ATAD2: variants seen among roughly 807,000 people sequenced by gnomAD.
ATAD2 encodes the protein ATPase family AAA domain-containing protein 2.
Under a neutral mutation model 168.9 loss-of-function variants are expected in ATAD2, and 62 were observed. The ratio of observed to expected loss-of-function variants is 0.37; its 90% confidence interval spans 0.30 to 0.45. The LOEUF is 0.45. Among genes scored for constraint, ATAD2 ranks in the 20% least tolerant of loss-of-function variants. The pLI, the probability that ATAD2 is intolerant of heterozygous loss-of-function variation, is 1.00. For missense variants in ATAD2, 1,419 were observed against 1,667.8 expected (o/e 0.85, Z 2.60); for synonymous variants, 613 against 571.6 (o/e 1.07, Z -1.03).
chr8:123,367,130 C>T (rs1337932230), intron 8 of ATAD2, among the ~76,000 whole-genome samples: 3 of 152,128 alleles, frequency 2.0e-5, no homozygotes, highest in Non-Finnish European at 4.4e-5. Context: ...TAACCAATAA[C>T]TCGGCCGGGT....
Position 123,328,447 on chromosome 8 carries a change from T to G in ATAD2, c.3611A>C (p.Glu1204Ala), listed in dbSNP as rs1161450993. ...IDHKIESDTE[E>A]TQDTSVDHNE... ...ATGATCTACACTTGTGTCTTGAGTT[T>G]CCTCTGTATCACTCTCAATTTTGTG... The change falls in exon 25 of 28, where the codon GAA becomes GCA. Residue 1204 changes from glutamate (E) to alanine (A), a missense_variant. This residue lies in a region of ATAD2 where 303 missense variants were observed against 304.3 expected (regional missense o/e 1.00). Transcript: ENST00000287394. 1.9e-6 allele frequency: 3 copies of G among 1,610,708 alleles called. No individual in the cohort carries two copies. The highest frequency in any genetic ancestry group is 2.5e-6 in the Non-Finnish European group (3 of 1,178,724).
chr8:123,380,544 C>A lies in ATAD2; in HGVS notation c.305G>T (p.Gly102Val). 2 of 1,613,934 alleles carry A rather than the reference C, an allele frequency of 1.2e-6. No individual in the cohort carries two copies. The highest frequency in any genetic ancestry group is 1.3e-5 in the African/African-American group (1 of 75,026). The change falls in exon 2 of 28, where the codon GGC becomes GTC. Residue 102 changes from glycine (G) to valine (V), a missense_variant. Transcript: ENST00000287394. ...NVEITEQLAN[G>V]RHFTRQLARQ... ...CTTGTATTACCTTGTAAAATGCCTG[C>A]CATTAGCAAGTTGCTCCGTTATTTC...
intron 10 of ATAD2, 111 bp from the exon 11 acceptor site, chr8:123,359,447 A>T: frequency 3.3e-6 from 4 of 1,225,860 alleles, no homozygotes; most frequent in Non-Finnish European, 4.7e-6. Context: ...TGACCTGAAG[A>T]TTAACAGAAA....
intron 2 of ATAD2, among the ~76,000 whole-genome samples, chr8:123,379,552 G>A (rs1292273455): frequency 3.0e-5 from 4 of 134,872 alleles, no homozygotes; most frequent in African/African-American, 1.1e-4. Context: ...GCATGAATGT[G>A]TACATACTAA....
chr8:123,383,578 C>T (rs888655036), intron 1 of ATAD2, among the ~76,000 whole-genome samples: 2 of 151,338 alleles, frequency 1.3e-5, no homozygotes, highest in African/African-American at 2.4e-5. Flanking sequence ...TCGAGACCAG[C>T]CTGACCAACA....
intron 26 of ATAD2, among the ~76,000 whole-genome samples, chr8:123,325,630 A>C (rs1224579046): frequency 6.6e-6 from 1 of 151,994 alleles, no homozygotes; most frequent in Non-Finnish European, 1.5e-5. Flanking sequence ...ACTGTTGGCC[A>C]GGCTGGTCTC....
chr8:123,376,397 ACT>A (rs772442569), intron 2 of ATAD2, among the ~76,000 whole-genome samples: 1 of 150,706 alleles, frequency 6.6e-6, no homozygotes, highest in Non-Finnish European at 1.5e-5. Flanking sequence ...CAAGAGCAAA[ACT>A]CTGTCTAAAA....
intron 8 of ATAD2, among the ~76,000 whole-genome samples, chr8:123,362,463 T>G (rs1177553763): frequency 1.3e-5 from 2 of 151,562 alleles, no homozygotes; most frequent in East Asian, 3.9e-4. Flanking sequence ...CAGGTTGGAG[T>G]GCAGTGGGAT....
intron 8 of ATAD2, among the ~76,000 whole-genome samples, chr8:123,362,217 TG>T (rs138898014): frequency 0.037 from 5,551 of 151,026 alleles, 346 homozygotes; most frequent in African/African-American, 0.13. Context: ...TGCTTGAGCC[TG>T]GGAGGACGAG....
At chr8:123,374,595 G>A (rs1411257327) in intron 2 of ATAD2, among the ~76,000 whole-genome samples, 1 of 152,142 alleles carries the variant, frequency 6.6e-6, no homozygotes, top group Non-Finnish European at 1.5e-5. Flanking sequence ...CCTTCCAAGG[G>A]TTGGTAAACT....
chr8:123,348,938 A>C (rs1421464430), intron 14 of ATAD2, among the ~76,000 whole-genome samples: 2 of 152,168 alleles, frequency 1.3e-5, no homozygotes, highest in African/African-American at 4.8e-5. Flanking sequence ...CCAGAAGATT[A>C]AGTAGACTTA....
intron 21 of ATAD2, among the ~76,000 whole-genome samples, chr8:123,337,337 C>G (rs566342073): frequency 8.6e-5 from 13 of 151,394 alleles, no homozygotes; most frequent in Non-Finnish European, 1.6e-4. Context: ...CATTCCAGCC[C>G]GGGCAACAGG....
Position 123,370,014 on chromosome 8 carries a change from T to C in ATAD2, c.738A>G (p.Glu246=). 3 of 1,602,614 alleles carry C rather than the reference T, an allele frequency of 1.9e-6. No individual in the cohort carries two copies. Among genetic ancestry groups the C allele is most frequent in the Non-Finnish European group, 2.6e-6 (3 of 1,173,214 alleles). The change falls in exon 7 of 28, where the codon GAA becomes GAG. Residue 246 remains glutamate, a synonymous_variant. Transcript: ENST00000287394. ...DNQEGSVESS[E]EGEDQEHEDD... ...CTTCATGTTCTTGGTCTTCACCCTC[T>C]TCAGATGACTCTACAATTAAGAGAT...
Position 123,390,473 on chromosome 8 carries a change from T to C in ATAD2, c.171+5714A>G, listed in dbSNP as rs148166271. On this transcript the variant is annotated intron_variant, in intron 1 of 27. Coordinates refer to ENST00000287394, the MANE Select transcript of ATAD2 (RefSeq NM_014109.4). ...AATACAGAACTGCCATGTCACCCAA[T>C]TCCAGGGAACACCATTCACTGCCAC... Among the ~76,000 whole-genome samples, 948 of 152,308 alleles carry C rather than the reference T, an allele frequency of 6.2e-3. 8 individuals carry two copies. Among genetic ancestry groups the C allele is most frequent in the African/African-American group, 0.021 (873 of 41,558 alleles).
chr8:123,340,969 G>T (rs1490124199), intron 19 of ATAD2, among the ~76,000 whole-genome samples: 5 of 151,390 alleles, frequency 3.3e-5, no homozygotes, highest in Non-Finnish European at 4.4e-5. Flanking sequence ...TTGAGACAGG[G>T]TCTCACTCTG....
intron 2 of ATAD2, among the ~76,000 whole-genome samples, chr8:123,379,243 T>C (rs1829417000): frequency 6.6e-6 from 1 of 152,190 alleles, no homozygotes; most frequent in African/African-American, 2.4e-5. Flanking sequence ...ATGCCTCCTC[T>C]TCTAAAAACC....
intron 1 of ATAD2, among the ~76,000 whole-genome samples, chr8:123,404,561 CTCTCT>C (rs1421266074): frequency 2.0e-5 from 3 of 148,254 alleles, no homozygotes; most frequent in African/African-American, 7.6e-5. Context: ...CCCACTTTCT[CTCTCT>C]TTTTTTTTTT....
intron 8 of ATAD2, 117 bp from the exon 9 acceptor site, chr8:123,361,763 C>A (rs180767313): frequency 4.4e-5 from 31 of 700,050 alleles, no homozygotes; most frequent in African/African-American, 7.1e-5. Context: ...ATTAATACAT[C>A]TGCTGACCCA....
At chr8:123,361,152 A>G (rs1378940756) in intron 9 of ATAD2, among the ~76,000 whole-genome samples, 1 of 151,854 alleles carries the variant, frequency 6.6e-6, no homozygotes, top group African/African-American at 2.4e-5. Flanking sequence ...CCTCATCTCT[A>G]TTAAAACTAC....
Sources: gnomAD v4.1 joint callset for allele counts (sites outside exome capture counted in the v4.1 genomes callset) on GRCh38, gnomAD v4.1.1 for gene constraint, gnomAD v4.1.1 regional missense constraint, MANE v1.5 for transcripts, NCBI Gene and HGNC (gene_info 2026-07-23, HGNC 2026-07-21) for gene names.